Variants in KCNQ1 observed in about 807,000 individuals in gnomAD.
KCNQ1 encodes potassium voltage-gated channel subfamily Q member 1, also known as potassium voltage-gated channel subfamily KQT member 1.
Under a neutral mutation model 72.4 loss-of-function variants are expected in KCNQ1, and 49 were observed. The observed-to-expected ratio is 0.68, with a 90% CI of 0.54 to 0.86. The LOEUF is 0.86. Among genes scored for constraint, KCNQ1 ranks in the 40% least tolerant of loss-of-function variants. The pLI is 0.00. For missense variants in KCNQ1, 790 were observed against 945.1 expected (o/e 0.84, Z 2.15); for synonymous variants, 450 against 412.6 (o/e 1.09, Z -1.10).
At position 2,690,995 on chromosome 11, in the gene KCNQ1, A is replaced by C. The variant is rs751953800; in HGVS notation, c.1514+28914A>C. On this transcript the variant is annotated intron_variant, in intron 11 of 15. Coordinates refer to ENST00000155840, the MANE Select transcript of KCNQ1 (RefSeq NM_000218.3). The surrounding 1 kb of genome is among the most constrained non-coding windows in gnomAD (Gnocchi z 5.1). ...ACAAAAGCCCACCAGACCATCAATG[A>C]AGTGGGCAAAAGCTCTGGGTGAACT... 1 of 398,536 alleles carries C rather than the reference A, an allele frequency of 2.5e-6. No individual in the cohort carries two copies. The highest frequency in any genetic ancestry group is 4.4e-6 in the Non-Finnish European group (1 of 226,074). The allele number at this position is 398,536 out of a possible 1,614,324, so 24.7% of individuals were successfully genotyped here. A position where few individuals can be genotyped will look rare whatever the true frequency, so the allele number is the denominator to read the frequency against.
rs1455205826 is a variant in KCNQ1 at position 2,603,803 on chromosome 11, G to T, written c.1393+14949G>T. ...CCTCCCGGGTTCAAGCAATTCACCC[G>T]CCTCAGCCTCCCAAGTAGGTGGGAT... On this transcript the variant is annotated intron_variant, in intron 10 of 15. Transcript: ENST00000155840. The surrounding 1 kb of genome is among the most constrained non-coding windows in gnomAD (Gnocchi z 4.1). Among the ~76,000 whole-genome samples the T allele has an allele frequency of 6.6e-6, 1 of 151,902 alleles. No individual in the cohort carries two copies. Among genetic ancestry groups the T allele is most frequent in the Non-Finnish European group, 1.5e-5 (1 of 67,988 alleles).
At chr11:2,485,722 A>G (rs1359909896) in intron 1 of KCNQ1, among the ~76,000 whole-genome samples, 1 of 151,946 alleles carries the variant, frequency 6.6e-6, no homozygotes, top group Non-Finnish European at 1.5e-5. Context: ...GGCACCTACC[A>G]TTTACCTTTC....
In KCNQ1 at chr11:2,781,466, A is replaced by G. The variant is rs1457245380; in HGVS notation, c.1794+3429A>G. Among the ~76,000 whole-genome samples, 1 of 152,210 alleles carries G rather than the reference A, an allele frequency of 6.6e-6. No individual in the cohort carries two copies. Among genetic ancestry groups the G allele is most frequent in the Non-Finnish European group, 1.5e-5 (1 of 68,034 alleles). On this transcript the variant is annotated intron_variant, in intron 15 of 15. Coordinates refer to ENST00000155840, the MANE Select transcript of KCNQ1 (RefSeq NM_000218.3). The surrounding 1 kb of genome is among the most constrained non-coding windows in gnomAD (Gnocchi z 6.6). ...GGGCCCAGGGCCTTCAGTGTGGGCC[A>G]GGGACCAATGCAGGCGGTCGGGAGA...
At chr11:2,553,162 G>GTTTTTTTTTTTTTTTTTT in intron 2 of KCNQ1, among the ~76,000 whole-genome samples, 1 of 105,850 alleles carries the variant, frequency 9.4e-6, no homozygotes, top group Non-Finnish European at 1.9e-5. Flanking sequence ...GGTTTTTTTT[G>GTTTTTTTTTTTTTTTTTT]TTTTTTTTTT....
At chr11:2,584,557 G>A (rs958809112) in intron 7 of KCNQ1, among the ~76,000 whole-genome samples, 2 of 151,336 alleles carry the variant, frequency 1.3e-5, no homozygotes, top group African/African-American at 4.9e-5. Context: ...GTGTTAGTGT[G>A]TATTTGTGTG....
At chr11:2,502,819 C>T (rs1389489843) in intron 1 of KCNQ1, among the ~76,000 whole-genome samples, 2 of 152,156 alleles carry the variant, frequency 1.3e-5, no homozygotes, top group Non-Finnish European at 1.5e-5. Context: ...ACAGTATGTA[C>T]TGACATAAAA....
intron 2 of KCNQ1, among the ~76,000 whole-genome samples, chr11:2,552,977 T>C (rs1207536632): frequency 1.3e-5 from 2 of 152,222 alleles, no homozygotes; most frequent in Non-Finnish European, 2.9e-5. Flanking sequence ...TGTTCCTAAG[T>C]ATTTTATGTT....
intron 10 of KCNQ1, chr11:2,641,277 CA>C (rs1331736933): frequency 2.5e-6 from 1 of 398,326 alleles, no homozygotes; most frequent in East Asian, 3.6e-5. Flanking sequence ...TTCCCACCAA[CA>C]GTGTATAAGA....
intron 1 of KCNQ1, among the ~76,000 whole-genome samples, chr11:2,520,939 C>T (rs757528730): frequency 2.0e-5 from 3 of 152,250 alleles, no homozygotes; most frequent in South Asian, 2.1e-4. Flanking sequence ...GGCGAGGTCC[C>T]GTCCCCAGTA....
At chr11:2,533,496 G>T (rs978488187) in intron 2 of KCNQ1, among the ~76,000 whole-genome samples, 2 of 152,352 alleles carry the variant, frequency 1.3e-5, no homozygotes. Context: ...GTGTACGTAC[G>T]TGCATGTGCA....
intron 2 of KCNQ1, among the ~76,000 whole-genome samples, chr11:2,554,844 A>G (rs1424314240): frequency 6.6e-6 from 1 of 152,244 alleles, no homozygotes; most frequent in Admixed American, 6.5e-5. Flanking sequence ...AAATCCGTGC[A>G]CAATTTCCTC....
At chr11:2,641,217 C>T in intron 10 of KCNQ1, 1 of 398,342 alleles carries the variant, frequency 2.5e-6, no homozygotes. Context: ...TCATATTTCT[C>T]TTTTTAGGTT....
rs1390991960 is a variant in KCNQ1 at position 2,682,688 on chromosome 11, G to A, written c.1514+20607G>A. 1.3e-5 allele frequency: 5 copies of A among 398,482 alleles called. No homozygotes were observed. The highest frequency in any genetic ancestry group is 8.2e-5 in the African/African-American group (4 of 48,622). 24.7% of individuals were successfully genotyped at this position (398,482 alleles called of 1,614,324 possible). On this transcript the variant is annotated intron_variant, in intron 11 of 15. Coordinates refer to ENST00000155840, the MANE Select transcript of KCNQ1 (RefSeq NM_000218.3). The surrounding 1 kb of genome is among the most constrained non-coding windows in gnomAD (Gnocchi z 5.8). ...CATGCTATTGTCCATAGAAGCTGGG[G>A]TCCAAAGTTGACCAGAATATCTCTA...
intron 1 of KCNQ1, among the ~76,000 whole-genome samples, chr11:2,459,329 A>G (rs192368164): frequency 6.6e-6 from 1 of 152,108 alleles, no homozygotes; most frequent in Admixed American, 6.5e-5. Context: ...CATGCATGTG[A>G]CACTCCCTGA....
In KCNQ1 at chr11:2,735,825, C is replaced by T. The variant is rs950579317; in HGVS notation, c.1515-33019C>T. Among the ~76,000 whole-genome samples the T allele has an allele frequency of 5.9e-5, 9 of 152,172 alleles. No homozygotes were observed. Among genetic ancestry groups the T allele is most frequent in the African/African-American group, 2.2e-4 (9 of 41,434 alleles). On this transcript the variant is annotated intron_variant, in intron 11 of 15. Transcript: ENST00000155840. The surrounding 1 kb of genome is among the most constrained non-coding windows in gnomAD (Gnocchi z 7.7). The stretch of plus-strand genomic sequence containing the variant: ...TCTGTGTGTGCCCGAGTCACCTTCT[C>T]CTCTCATAAGGACCCCAGTCAGGTG...
chr11:2,449,737 C>T (rs1846095886), intron 1 of KCNQ1, among the ~76,000 whole-genome samples: 1 of 152,156 alleles, frequency 6.6e-6, no homozygotes, highest in South Asian at 2.1e-4. Context: ...GGCAACTCCA[C>T]CCGGGTGGCT....
At chr11:2,792,327 C>T (rs1847042634) in intron 15 of KCNQ1, among the ~76,000 whole-genome samples, 1 of 152,256 alleles carries the variant, frequency 6.6e-6, no homozygotes, top group African/African-American at 2.4e-5. Context: ...AAACAGCAGC[C>T]AGTGTGTGGA....
intron 11 of KCNQ1, among the ~76,000 whole-genome samples, chr11:2,758,531 A>G (rs968983328): frequency 6.6e-6 from 1 of 152,212 alleles, no homozygotes; most frequent in East Asian, 1.9e-4. Context: ...ACTACCACAC[A>G]TCCCGGCAAC....
chr11:2,506,606 C>T (rs556713454), intron 1 of KCNQ1, among the ~76,000 whole-genome samples: 1 of 152,336 alleles, frequency 6.6e-6, no homozygotes, highest in South Asian at 2.1e-4. Flanking sequence ...GTGTTATCTT[C>T]AGGGTAGATT....
Sources: gnomAD v4.1 joint callset for allele counts (sites outside exome capture counted in the v4.1 genomes callset) on GRCh38, gnomAD v4.1.1 for gene constraint, Gnocchi (gnomAD v3.1) non-coding constraint, MANE v1.5 for transcripts, NCBI Gene and HGNC (gene_info 2026-07-23, HGNC 2026-07-21) for gene names.